SLC27A4: variants seen among roughly 807,000 people sequenced by gnomAD.
SLC27A4 encodes the protein solute carrier family 27 member 4.
In SLC27A4, 33 loss-of-function variants were observed where a neutral mutation model predicts 64.4. The ratio of observed to expected loss-of-function variants is 0.51; its 90% CI spans 0.39 to 0.68. SLC27A4 has a LOEUF of 0.68. Ranked by LOEUF, SLC27A4 falls within the 30% of genes least tolerant of loss-of-function variation. SLC27A4 has a pLI of 0.00. For synonymous variants in SLC27A4, 377 were observed against 370.0 expected (o/e 1.02, Z -0.22); for missense variants, 824 against 883.5 (o/e 0.93, Z 0.85).
chr9:128,355,022 G>A, intron 9 of SLC27A4, 31 bp from the exon 10 acceptor site: 1 of 1,604,740 alleles, frequency 6.2e-7, no homozygotes, highest in Non-Finnish European at 8.5e-7. Context: ...GGCTGCCTAG[G>A]GCAGATCTGA....
chr9:128,342,360 A>G (rs773549906), intron 1 of SLC27A4: 2 of 1,611,358 alleles, frequency 1.2e-6, no homozygotes, highest in Admixed American at 3.3e-5. Flanking sequence ...AAGCAAGCGA[A>G]TCGTAATGAG....
chr9:128,350,672 T>C, intron 6 of SLC27A4, 97 bp downstream of exon 6: 1 of 993,428 alleles, frequency 1.0e-6, no homozygotes, highest in Non-Finnish European at 1.6e-6. Context: ...CACACAGCTT[T>C]GGGCCAGGCG....
intron 9 of SLC27A4, 34 bp from the exon 10 acceptor site, chr9:128,355,019 T>C: frequency 6.3e-7 from 1 of 1,582,988 alleles, no homozygotes; most frequent in Non-Finnish European, 8.6e-7. Flanking sequence ...AGAGGCTGCC[T>C]AGGGCAGATC....
Position 128,355,794 on chromosome 9 carries a change from C to G in SLC27A4, c.1772C>G (p.Thr591Arg), listed in dbSNP as rs1304992408. ...CGCCTCCTGCCTGAGCTGCACAAAA[C>G]AGGTGTGTCCCTCCCCTGCTCCAGC... is the stretch of plus-strand genomic sequence containing the variant. ...FLRLLPELHK[T>R]GTYKFQKTEL... The change falls in exon 12 of 13, where the codon ACA becomes AGA. Residue 591 changes from threonine (T) to arginine (R), a missense_variant and splice_region_variant. By Grantham distance (71) the Thr-to-Arg change is moderately conservative (BLOSUM62 -1). Coordinates refer to ENST00000300456, the MANE Select transcript of SLC27A4 (RefSeq NM_005094.4). 1 of 1,613,218 alleles carries G rather than the reference C, an allele frequency of 6.2e-7. No individual in the cohort carries two copies. The highest frequency in any genetic ancestry group is 1.1e-5 in the South Asian group (1 of 91,092).
At chr9:128,352,902 C>A in intron 7 of SLC27A4, 123 bp from the exon 8 acceptor site, 2 of 1,090,196 alleles carry the variant, frequency 1.8e-6, no homozygotes, top group Non-Finnish European at 2.8e-6. Context: ...AAGGCTGAGA[C>A]CCGGAGAGGG....
rs1451610897 is a variant in SLC27A4, at chr9:128,361,354, A to G, written c.*863A>G. 1.3e-5 allele frequency: 2 copies of G among 152,284 alleles called. No homozygotes were observed. The highest frequency in any genetic ancestry group is 3.9e-4 in the East Asian group (2 of 5,182). The allele number at this position is 152,284 out of a possible 1,614,324, so 9.4% of individuals were successfully genotyped here. ...TCTGTTCATTCACTTATCTAAGCTGAGGGTGTAGCAGGTAAGATGCCGCAG... is the reference window on the plus strand; with the variant it reads ...TCTGTTCATTCACTTATCTAAGCTGGGGGTGTAGCAGGTAAGATGCCGCAG... On this transcript the variant is annotated 3_prime_UTR_variant, in exon 13 of 13. Transcript: ENST00000300456.
chr9:128,357,899 T>G (rs1475835207), intron 12 of SLC27A4, among the ~76,000 whole-genome samples: 1 of 152,158 alleles, frequency 6.6e-6, no homozygotes, highest in Non-Finnish European at 1.5e-5. Flanking sequence ...CGGGGAGGGT[T>G]TAGGACTTCA....
At chr9:128,360,291 C>T (rs770846874) in intron 12 of SLC27A4, 43 bp from the exon 13 acceptor site, 32 of 1,611,998 alleles carry the variant, frequency 2.0e-5, no homozygotes, top group African/African-American at 2.7e-5. Flanking sequence ...GCTGGGAGCT[C>T]GGGCCCCTGC....
chr9:128,340,758 G>T lies in SLC27A4; in HGVS notation c.-87G>T. The T allele has an allele frequency of 1.5e-6, 1 of 663,948 alleles. No homozygotes were observed. The allele number at this position is 663,948 out of a possible 1,614,324, so 41.1% of individuals were successfully genotyped here. ...GACCCGGCTCCGTGCGTCCAGGGGC[G>T]GCTAATGCCCCTCACGCTGTCTACG... On this transcript the variant is annotated 5_prime_UTR_variant, in exon 1 of 13. Transcript: ENST00000300456.
At chr9:128,343,435 A>C in intron 2 of SLC27A4, 142 bp downstream of exon 2, 1 of 925,966 alleles carries the variant, frequency 1.1e-6, no homozygotes, top group Non-Finnish European at 1.7e-6. Flanking sequence ...CCTCTGCTCC[A>C]CACCCGTACC....
chr9:128,356,634 T>G (rs7870330), intron 12 of SLC27A4, among the ~76,000 whole-genome samples: 25,194 of 152,024 alleles, frequency 0.17, 4,349 homozygotes, highest in African/African-American at 0.44. Context: ...CAAAACCCCG[T>G]CTCCACTAAA....
Position 128,340,734 on chromosome 9 carries a change from A to T in SLC27A4, c.-111A>T, listed in dbSNP as rs761778601. ...GCAGAGCCGGCTAAACCCTGCTGAG[A>T]CCCGGCTCCGTGCGTCCAGGGGCGG... On this transcript the variant is annotated 5_prime_UTR_variant, in exon 1 of 13. Coordinates refer to ENST00000300456, the MANE Select transcript of SLC27A4 (RefSeq NM_005094.4). The T allele has an allele frequency of 1.6e-6, 1 of 642,324 alleles. No individual in the cohort carries two copies. Among genetic ancestry groups the T allele is most frequent in the Non-Finnish European group, 2.9e-6 (1 of 349,326 alleles). 39.8% of individuals were successfully genotyped at this position (642,324 alleles called of 1,614,324 possible). A position where few individuals can be genotyped will look rare whatever the true frequency, so the allele number is the denominator to read the frequency against.
Position 128,353,559 on chromosome 9 carries a change from CAGAG to C in SLC27A4, c.1324+21_1324+24del. On this transcript the variant is annotated intron_variant, in intron 9 of 12. Transcript: ENST00000300456. The surrounding 1 kb of genome is among the most constrained non-coding windows in gnomAD (Gnocchi z 4.9). ...CCAGCCAGGTCTGCCACTTCGGGGT[CAGAG>C]AGGGAGGGGTTGGCCTGGGAAGGAA... is the stretch of plus-strand genomic sequence containing the variant. The C allele has an allele frequency of 6.2e-7, 1 of 1,612,962 alleles. No individual in the cohort carries two copies. Among genetic ancestry groups the C allele is most frequent in the Non-Finnish European group, 8.5e-7 (1 of 1,179,304 alleles).
At chr9:128,348,945 C>T (rs1832696610) in intron 4 of SLC27A4, among the ~76,000 whole-genome samples, 1 of 145,962 alleles carries the variant, frequency 6.9e-6, no homozygotes, top group Non-Finnish European at 1.5e-5. Flanking sequence ...CAGGAGCTCA[C>T]AAAGTCCAGT....
Position 128,355,184 on chromosome 9 carries a change from C to T in SLC27A4, c.1456C>T (p.Leu486Phe). 1 of 1,613,606 alleles carries T rather than the reference C, an allele frequency of 6.2e-7. No homozygotes were observed. Among genetic ancestry groups the T allele is most frequent in the Non-Finnish European group, 8.5e-7 (1 of 1,179,840 alleles). The change falls in exon 10 of 13, where the codon CTT becomes TTT. Residue 486 changes from leucine (L) to phenylalanine (F), a missense_variant. By Grantham distance (22) the Leu-to-Phe change is conservative (BLOSUM62 0). Coordinates refer to ENST00000300456, the MANE Select transcript of SLC27A4 (RefSeq NM_005094.4). ...CTTCAAGAAGGGGGACCAGGCCTACCTTACTGGTGGGTCCCCAGCCCTTCA... is the reference window on the plus strand; with the variant it reads ...CTTCAAGAAGGGGGACCAGGCCTACTTTACTGGTGGGTCCCCAGCCCTTCA... ...DVFKKGDQAY[L>F]TGDVLVMDEL... is the part of the protein sequence containing the mutation.
chr9:128,350,452 C>A (rs777447725), intron 5 of SLC27A4, 32 bp from the exon 6 acceptor site: 2 of 1,611,978 alleles, frequency 1.2e-6, no homozygotes, highest in Non-Finnish European at 1.7e-6. Context: ...CTTTCTAGGG[C>A]CCGCTCAGCC....
Position 128,345,664 on chromosome 9 carries a change from G to T in SLC27A4, c.556+115G>T, listed in dbSNP as rs1183590976. 1 of 1,252,746 alleles carries T rather than the reference G, an allele frequency of 8.0e-7. No homozygotes were observed. Among genetic ancestry groups the T allele is most frequent in the African/African-American group, 1.5e-5 (1 of 66,482 alleles). 77.6% of individuals were successfully genotyped at this position (1,252,746 alleles called of 1,614,324 possible). The stretch of plus-strand genomic sequence containing the variant: ...GGTCAGTGGTTAAGGGCACAGAGTG[G>T]AGTCAGACAGCTTAGGCAGTGCCAC... On this transcript the variant is annotated intron_variant, in intron 3 of 12. Coordinates refer to ENST00000300456, the MANE Select transcript of SLC27A4 (RefSeq NM_005094.4). This position sits in a 1 kb window ranked among gnomAD's most constrained non-coding sequence, Gnocchi z 4.1.
At position 128,353,499 on chromosome 9, in the gene SLC27A4, C is replaced by T; in HGVS notation, c.1282C>T (p.Leu428=). The T allele has an allele frequency of 1.9e-6, 3 of 1,614,158 alleles. No homozygotes were observed. The highest frequency in any genetic ancestry group is 1.7e-6 in the Non-Finnish European group (2 of 1,180,046). ...ACGTGTCAACGAGGACACCATGGAG[C>T]TGATCCGGGGGCCCGACGGCGTCTG... ...LVRVNEDTME[L]IRGPDGVCIP... The change falls in exon 9 of 13, where the codon CTG becomes TTG. Residue 428 remains leucine, a synonymous_variant. Transcript: ENST00000300456. This position sits in a 1 kb window ranked among gnomAD's most constrained non-coding sequence, Gnocchi z 4.9.
chr9:128,347,879 GAAAAA>G (rs112671132), intron 3 of SLC27A4, among the ~76,000 whole-genome samples: 3 of 68,096 alleles, frequency 4.4e-5, no homozygotes, highest in Admixed American at 1.5e-4. Context: ...AAAAGCAAAA[GAAAAA>G]AAAAAAAAAA....
Sources: gnomAD v4.1 joint callset for allele counts (sites outside exome capture counted in the v4.1 genomes callset) on GRCh38, gnomAD v4.1.1 for gene constraint, Gnocchi (gnomAD v3.1) non-coding constraint, MANE v1.5 for transcripts, NCBI Gene and HGNC (gene_info 2026-07-23, HGNC 2026-07-21) for gene names.